The following LIN9 variants were observed in gnomAD, a reference collection of about 807,000 sequenced individuals.
LIN9 encodes the protein protein lin-9 homolog.
Under a neutral mutation model 78.0 loss-of-function variants are expected in LIN9, and 18 were observed. The observed-to-expected ratio is 0.23, with a 90% CI of 0.16 to 0.34. The LOEUF (loss-of-function observed/expected upper bound fraction) is 0.34, where lower values mean the gene tolerates loss of function less well. Among genes scored for constraint, LIN9 ranks in the 10% least tolerant of loss-of-function variants. LIN9 has a pLI of 1.00. For synonymous variants in LIN9, 192 were observed against 215.2 expected (o/e 0.89, Z 0.94); for missense variants, 451 against 644.1 (o/e 0.70, Z 3.25).
At position 226,232,331 on chromosome 1, in the gene LIN9, G is replaced by C. The variant is rs1296972492; in HGVS notation, c.*170C>G. ...TAAAAGAAAAATAAATATAATGCTG[G>C]TCAGCAATGCTGGTTTAAGAAGCAG... is the stretch of plus-strand genomic sequence containing the variant. On this transcript the variant is annotated 3_prime_UTR_variant, in exon 15 of 15. Transcript: ENST00000681046. 2.4e-6 allele frequency: 1 copy of C among 422,550 alleles called. No individual in the cohort carries two copies. The highest frequency in any genetic ancestry group is 4.2e-6 in the Non-Finnish European group (1 of 238,714). The allele number at this position is 422,550 out of a possible 1,614,324, so 26.2% of individuals were successfully genotyped here.
intron 1 of LIN9, among the ~76,000 whole-genome samples, chr1:226,304,744 G>T (rs1283148404): frequency 6.6e-6 from 1 of 152,164 alleles, no homozygotes; most frequent in Non-Finnish European, 1.5e-5. Flanking sequence ...AGAATGGTAT[G>T]AAAGGGCAGA....
intron 2 of LIN9, among the ~76,000 whole-genome samples, chr1:226,298,858 C>T (rs1662329503): frequency 6.6e-6 from 1 of 152,134 alleles, no homozygotes; most frequent in South Asian, 2.1e-4. Flanking sequence ...CACCACTGCA[C>T]TTCAGTCTGG....
At position 226,308,969 on chromosome 1, in the gene LIN9, T is replaced by TG. The variant is rs1163737096; in HGVS notation, c.31+139dup. Reference sequence around the variant, plus strand: ...CGGCGACGCGGCGGCAACACCGGAGTGGGAGGACTAGGGGACCACAGTGGG... The same window carrying TG: ...CGGCGACGCGGCGGCAACACCGGAGTGGGGAGGACTAGGGGACCACAGTGGG... On this transcript the variant is annotated intron_variant, in intron 1 of 14. Transcript: ENST00000681046. 3.9e-5 allele frequency: 29 copies of TG among 750,258 alleles called. No individual in the cohort carries two copies. In the East Asian group the frequency reaches 1.0e-3, roughly 26 times the overall value. 46.5% of individuals were successfully genotyped at this position (750,258 alleles called of 1,614,324 possible).
intron 10 of LIN9, among the ~76,000 whole-genome samples, chr1:226,253,017 C>A (rs1375309520): frequency 6.6e-6 from 1 of 151,942 alleles, no homozygotes; most frequent in Non-Finnish European, 1.5e-5. Flanking sequence ...AATCCCAGGA[C>A]TTTGGGAGGC....
At chr1:226,303,450 T>A (rs1297556992) in intron 1 of LIN9, among the ~76,000 whole-genome samples, 1 of 152,132 alleles carries the variant, frequency 6.6e-6, no homozygotes. Context: ...AAGGTGTTCA[T>A]GATGAGCTTC....
intron 4 of LIN9, among the ~76,000 whole-genome samples, chr1:226,288,792 G>A (rs1379047213): frequency 6.6e-6 from 1 of 152,142 alleles, no homozygotes; most frequent in Non-Finnish European, 1.5e-5. Context: ...ACTACAATCA[G>A]TTCTTAGGTA....
chr1:226,237,926 C>A (rs1305381370), intron 12 of LIN9, among the ~76,000 whole-genome samples: 1 of 149,570 alleles, frequency 6.7e-6, no homozygotes, highest in Non-Finnish European at 1.5e-5. Context: ...GCACTCCAGC[C>A]TGGGCAACAG....
At chr1:226,237,366 C>A (rs1657783439) in intron 12 of LIN9, among the ~76,000 whole-genome samples, 1 of 152,186 alleles carries the variant, frequency 6.6e-6, no homozygotes, top group Admixed American at 6.5e-5. Flanking sequence ...GGCGCGGTGA[C>A]TCATGCCTGT....
At position 226,233,476 on chromosome 1, in the gene LIN9, C is replaced by T. The variant is rs750450715; in HGVS notation, c.1293G>A (p.Met431Ile). The change falls in exon 13 of 15, where the codon ATG (methionine) becomes ATA (isoleucine). Residue 431 changes from methionine to isoleucine, a missense_variant. Met to Ile is a conservative substitution (Grantham distance 10). Transcript: ENST00000681046. ...GTGCTTCTTCCTCACACCTGCGTCT[C>T]ATATCTGTTGGCTGATCTGCAGGCT... ...GLQPADQPTDMRRRCEEEAQE... is the reference protein window; with the variant it reads ...GLQPADQPTDIRRRCEEEAQE... 38 of 1,614,064 alleles carry T rather than the reference C, an allele frequency of 2.4e-5. No homozygotes were observed. Among genetic ancestry groups the T allele is most frequent in the Non-Finnish European group, 1.9e-5 (23 of 1,180,028 alleles).
chr1:226,296,972 G>A (rs1398272589), intron 3 of LIN9, among the ~76,000 whole-genome samples: 2 of 152,136 alleles, frequency 1.3e-5, no homozygotes, highest in African/African-American at 4.8e-5. Context: ...CAGCCTGGGC[G>A]ACAGAGCGAG....
chr1:226,297,838 G>A (rs1467166991), intron 2 of LIN9, 25 bp from the exon 3 acceptor site: 1 of 1,400,474 alleles, frequency 7.1e-7, no homozygotes, highest in Non-Finnish European at 9.6e-7. Flanking sequence ...TAATACTAAT[G>A]GAATTTTGGC....
At chr1:226,298,936 T>C (rs1179144636) in intron 2 of LIN9, among the ~76,000 whole-genome samples, 2 of 152,138 alleles carry the variant, frequency 1.3e-5, no homozygotes, top group Non-Finnish European at 2.9e-5. Context: ...ATTTCTGTTT[T>C]CCTTAATTCA....
chr1:226,296,979 C>A (rs977581216), intron 3 of LIN9, among the ~76,000 whole-genome samples: 1 of 152,224 alleles, frequency 6.6e-6, no homozygotes, highest in Admixed American at 6.5e-5. Context: ...GGCGACAGAG[C>A]GAGACCTCGT....
At chr1:226,282,048 T>G (rs766146769) in intron 6 of LIN9, among the ~76,000 whole-genome samples, 1 of 152,230 alleles carries the variant, frequency 6.6e-6, no homozygotes, top group African/African-American at 2.4e-5. Context: ...AATCAAAAAA[T>G]GCATATGTTC....
rs1657385848 is a variant in LIN9 at position 226,232,265 on chromosome 1, T to C, written c.*236A>G. On this transcript the variant is annotated 3_prime_UTR_variant, in exon 15 of 15. Coordinates refer to ENST00000681046, the MANE Select transcript of LIN9 (RefSeq NM_001366245.2). ...TTCAGTTTAAAAATATTTGTGAATATAAACATATGTAACATAAGCAATGCT... is the reference window on the plus strand; with the variant it reads ...TTCAGTTTAAAAATATTTGTGAATACAAACATATGTAACATAAGCAATGCT... 1 of 403,924 alleles carries C rather than the reference T, an allele frequency of 2.5e-6. No homozygotes were observed. The highest frequency in any genetic ancestry group is 1.2e-4 in the South Asian group (1 of 8,218). 25.0% of individuals were successfully genotyped at this position (403,924 alleles called of 1,614,324 possible). A position where few individuals can be genotyped will look rare whatever the true frequency, so the allele number is the denominator to read the frequency against.
intron 12 of LIN9, among the ~76,000 whole-genome samples, chr1:226,237,174 C>T (rs888751578): frequency 1.3e-5 from 2 of 152,074 alleles, no homozygotes; most frequent in Admixed American, 1.3e-4. Context: ...GATGAGCAAC[C>T]CGTTTCTGCA....
Position 226,275,904 on chromosome 1 carries a change from G to A in LIN9, c.682+1871C>T, listed in dbSNP as rs538800531. Among the ~76,000 whole-genome samples the A allele has an allele frequency of 4.0e-5, 6 of 151,268 alleles. No homozygotes were observed. In the East Asian group the frequency reaches 1.2e-3, roughly 30 times the overall value. On this transcript the variant is annotated intron_variant, in intron 7 of 14. Transcript: ENST00000681046. ...TTAGCCAGGCGTGGTGGCGGGTGCC[G>A]GTAATCCCAGTTACTCAGGAAGCTG...
At position 226,297,782 on chromosome 1, in the gene LIN9, C is replaced by T; in HGVS notation, c.96G>A (p.Lys32=). 1.3e-6 allele frequency: 2 copies of T among 1,588,982 alleles called. No homozygotes were observed. Among genetic ancestry groups the T allele is most frequent in the East Asian group, 2.3e-5 (1 of 44,146 alleles). Residue 32 remains lysine (K), a synonymous_variant, in exon 3 of 15, where the codon AAG becomes AAA. Coordinates refer to ENST00000681046, the MANE Select transcript of LIN9 (RefSeq NM_001366245.2). ...EGSLSNTWNE[K]YSSLQKTPVW... is the part of the protein sequence containing the mutation. ...CAGGTGTTTTCTGTAAAGAACTGTACTTTTCATTCCACGTGTTAGATAAGC... is the reference window on the plus strand; with the variant it reads ...CAGGTGTTTTCTGTAAAGAACTGTATTTTTCATTCCACGTGTTAGATAAGC...
intron 11 of LIN9, among the ~76,000 whole-genome samples, chr1:226,248,838 A>T (rs1658649174): frequency 6.6e-6 from 1 of 152,218 alleles, no homozygotes; most frequent in Admixed American, 6.5e-5. Flanking sequence ...ATAATATTTG[A>T]ATTTTTATAG....
Sources: gnomAD v4.1 joint callset for allele counts (sites outside exome capture counted in the v4.1 genomes callset) on GRCh38, gnomAD v4.1.1 for gene constraint, MANE v1.5 for transcripts, NCBI Gene and HGNC (gene_info 2026-07-23, HGNC 2026-07-21) for gene names.